Variants in ADARB2 observed in about 807,000 individuals in gnomAD.
The protein encoded by ADARB2 is inactive double-stranded RNA-specific editase B2.
Under a neutral mutation model 62.2 loss-of-function variants are expected in ADARB2, and 25 were observed. That is an observed-to-expected ratio of 0.40 (90% confidence interval 0.29 to 0.56). ADARB2 has a LOEUF of 0.56. Ranked by LOEUF, ADARB2 falls within the 20% of genes least tolerant of loss-of-function variation. The probability of loss-of-function intolerance (pLI) is 0.43; values close to 1 mark genes in which losing one functional copy is unlikely to be tolerated. For missense variants in ADARB2, 1,071 were observed against 1,077.4 expected (o/e 0.99, Z 0.08); for synonymous variants, 572 against 500.8 (o/e 1.14, Z -1.90).
intron 1 of ADARB2, among the ~76,000 whole-genome samples, chr10:1,669,921 TGCACACAGACACAAAC>T (rs1379180328): frequency 7.0e-6 from 1 of 143,586 alleles, no homozygotes; most frequent in Non-Finnish European, 1.5e-5. Context: ...CATAGAGAGA[TGCACACAGACACAAAC>T]ACACACAGAC....
At chr10:1,251,476 C>A (rs1831037451) in intron 4 of ADARB2, among the ~76,000 whole-genome samples, 1 of 152,148 alleles carries the variant, frequency 6.6e-6, no homozygotes, top group Non-Finnish European at 1.5e-5. Context: ...AGTGAAACTA[C>A]TCTGTTTGAT....
At chr10:1,298,945 A>G (rs1374260223) in intron 3 of ADARB2, among the ~76,000 whole-genome samples, 1 of 151,206 alleles carries the variant, frequency 6.6e-6, no homozygotes, top group African/African-American at 2.4e-5. Flanking sequence ...GGGTTTCACT[A>G]TGGTGCCCAG....
chr10:1,636,606 A>T (rs989706980), intron 1 of ADARB2, among the ~76,000 whole-genome samples: 1 of 152,050 alleles, frequency 6.6e-6, no homozygotes, highest in African/African-American at 2.4e-5. Flanking sequence ...TGCCACCAGT[A>T]ATGCCAACAA....
At chr10:1,361,211 G>T (rs548765188) in intron 3 of ADARB2, 7 of 142,168 alleles carry the variant, frequency 4.9e-5, no homozygotes, top group African/African-American at 1.8e-4. Context: ...CCTCCCCCAG[G>T]CTGCAGGGGT....
chr10:1,322,737 G>A (rs1468050488), intron 3 of ADARB2, among the ~76,000 whole-genome samples: 1 of 152,048 alleles, frequency 6.6e-6, no homozygotes, highest in Non-Finnish European at 1.5e-5. Context: ...TGTTATACTC[G>A]ATACACTCTA....
chr10:1,361,589 G>C (rs989194542), intron 3 of ADARB2: 1 of 152,016 alleles, frequency 6.6e-6, no homozygotes, highest in African/African-American at 2.4e-5. Flanking sequence ...ACCCCACGCC[G>C]GCCAAGAGTT....
chr10:1,708,864 C>A (rs1383234314), intron 1 of ADARB2, among the ~76,000 whole-genome samples: 2 of 152,142 alleles, frequency 1.3e-5, no homozygotes, highest in Non-Finnish European at 2.9e-5. Flanking sequence ...CAAGCCACAC[C>A]TGTGAACATG....
chr10:1,363,100 T>TGCGGCCTGC lies in ADARB2; in HGVS notation c.996_1004dup (p.Gln333_Ala335dup). On this transcript the variant is annotated inframe_insertion, in exon 3 of 10. Transcript: ENST00000381312. ...TCTGGATGTCGAACAGCTCCTGCAGTGCGGCCTGCGCGGCCTGACCCCGGG... is the reference window on the plus strand; with the variant it reads ...TCTGGATGTCGAACAGCTCCTGCAGTGCGGCCTGCGCGGCCTGCGCGGCCTGACCCCGGG... 6.6e-7 allele frequency: 1 copy of TGCGGCCTGC among 1,520,906 alleles called. No individual in the cohort carries two copies. Among genetic ancestry groups the TGCGGCCTGC allele is most frequent in the African/African-American group, 1.4e-5 (1 of 69,714 alleles). 94.2% of individuals were successfully genotyped at this position (1,520,906 alleles called of 1,614,324 possible).
At chr10:1,601,621 G>T (rs75634439) in intron 1 of ADARB2, among the ~76,000 whole-genome samples, 1,905 of 152,262 alleles carry the variant, frequency 0.013, 87 homozygotes, top group East Asian at 0.12. Flanking sequence ...CATGTGCTGA[G>T]CTGATGAGCA....
intron 1 of ADARB2, among the ~76,000 whole-genome samples, chr10:1,658,408 C>T (rs1834200668): frequency 6.6e-6 from 1 of 152,086 alleles, no homozygotes; most frequent in Non-Finnish European, 1.5e-5. Context: ...CTGTCTCTAT[C>T]TGATACTGTC....
chr10:1,265,453 G>C (rs537245393), intron 4 of ADARB2, among the ~76,000 whole-genome samples: 4 of 152,252 alleles, frequency 2.6e-5, no homozygotes, highest in African/African-American at 9.6e-5. Context: ...CCAGTGAAAC[G>C]AGAGGATTCG....
chr10:1,727,332 G>A lies in ADARB2; in HGVS notation c.100+9719C>T, dbSNP rs545121555. Among the ~76,000 whole-genome samples, 7 of 152,164 alleles carry A rather than the reference G, an allele frequency of 4.6e-5. No individual in the cohort carries two copies. The South Asian group carries it at 1.5e-3, about 32-fold the overall frequency. On this transcript the variant is annotated intron_variant, in intron 1 of 9. Transcript: ENST00000381312. ...ACCAAGGAAGATGTCTTCTCTGCTC[G>A]TCTCGTCACCCCAAAGGTGGTCATG...
intron 1 of ADARB2, among the ~76,000 whole-genome samples, chr10:1,557,927 A>AAAAACAAAACAAAACAAAAC (rs150093757): frequency 1.0e-4 from 15 of 149,648 alleles, no homozygotes; most frequent in African/African-American, 3.8e-4. Context: ...GACCCTATCT[A>AAAAACAAAACAAAACAAAAC]AAAACAAAAC....
intron 1 of ADARB2, among the ~76,000 whole-genome samples, chr10:1,693,071 T>C (rs1834693571): frequency 6.6e-6 from 1 of 152,196 alleles, no homozygotes. Flanking sequence ...TCATCACTTA[T>C]ACGTGGTGGA....
chr10:1,661,949 G>A (rs1236217072), intron 1 of ADARB2, among the ~76,000 whole-genome samples: 1 of 152,192 alleles, frequency 6.6e-6, no homozygotes, highest in Non-Finnish European at 1.5e-5. Flanking sequence ...AAAGGGAAAT[G>A]CAGGCACTGA....
chr10:1,473,130 C>T (rs1407204858), intron 1 of ADARB2, among the ~76,000 whole-genome samples: 4 of 152,160 alleles, frequency 2.6e-5, no homozygotes, highest in Admixed American at 6.5e-5. Flanking sequence ...GGTCAAACCA[C>T]GCACCCGTCC....
intron 1 of ADARB2, among the ~76,000 whole-genome samples, chr10:1,506,726 T>C (rs989204442): frequency 3.9e-5 from 6 of 152,216 alleles, no homozygotes; most frequent in African/African-American, 1.4e-4. Context: ...AAGTACCCGC[T>C]GTGGACTGGC....
rs567910558 is a variant in ADARB2, at chr10:1,507,030, G to A, written c.101-127870C>T. On this transcript the variant is annotated intron_variant, in intron 1 of 9. Coordinates refer to ENST00000381312, the MANE Select transcript of ADARB2 (RefSeq NM_018702.4). Reference sequence around the variant, plus strand: ...TGGGCTCCCAGCCTGTGGCACTCAGGGACCAACGTCCACTGCCTAAGCCAC... The same window carrying A: ...TGGGCTCCCAGCCTGTGGCACTCAGAGACCAACGTCCACTGCCTAAGCCAC... Among the ~76,000 whole-genome samples the A allele has an allele frequency of 6.6e-5, 10 of 152,298 alleles. No homozygotes were observed. In the South Asian group the frequency reaches 2.1e-3, roughly 32 times the overall value.
chr10:1,530,360 T>G (rs1180873322), intron 1 of ADARB2, among the ~76,000 whole-genome samples: 1 of 152,216 alleles, frequency 6.6e-6, no homozygotes, highest in Non-Finnish European at 1.5e-5. Flanking sequence ...CCTGAAACAC[T>G]TGCGTCCTGG....
Sources: allele counts gnomAD v4.1 joint callset (sites outside exome capture counted in the v4.1 genomes callset), GRCh38; gene constraint gnomAD v4.1.1; transcripts MANE v1.5; gene names NCBI Gene and HGNC (gene_info 2026-07-23, HGNC 2026-07-21).